MYO15B: variants seen among roughly 807,000 people sequenced by gnomAD.
The protein encoded by MYO15B is myosin XVB.
MYO15B carries 207 observed loss-of-function variants against 119.3 expected under a neutral mutation model. The observed-to-expected ratio is 1.73, with a 90% confidence interval of 1.55 to 1.95. The LOEUF (loss-of-function observed/expected upper bound fraction) is 1.95. MYO15B is among the 30% of genes most tolerant of loss of function. The pLI, the probability that MYO15B is intolerant of heterozygous loss-of-function variation, is 0.00. For synonymous variants in MYO15B, 966 were observed against 498.9 expected (o/e 1.94, Z -12.48); for missense variants, 2,264 against 1,203.1 (o/e 1.88, Z -13.04).
intron 9 of MYO15B, 51 bp from the exon 10 acceptor site, chr17:75,594,424 G>T (rs1012950854): frequency 2.2e-5 from 13 of 580,112 alleles, no homozygotes; most frequent in African/African-American, 7.5e-5. Flanking sequence ...TGCCTGGGGA[G>T]TGTGTCCATT....
Position 75,624,658 on chromosome 17 carries a change from C to A in MYO15B, c.8542+19C>A. On this transcript the variant is annotated intron_variant, in intron 58 of 63. Transcript: ENST00000645453. ...GAGAAGAGTAAGCTTGGGGACGGAG[C>A]CTCACGGTGGGGCCACTCCCCTGCC... The A allele has an allele frequency of 1.4e-6, 1 of 702,990 alleles. No homozygotes were observed. The highest frequency in any genetic ancestry group is 2.3e-4 in the Middle Eastern group (1 of 4,370). The allele number at this position is 702,990 out of a possible 1,614,324, so 43.5% of individuals were successfully genotyped here.
At chr17:75,612,713 T>G (rs905253959) in intron 25 of MYO15B, 85 bp from the exon 26 acceptor site, 44 of 675,472 alleles carry the variant, frequency 6.5e-5, no homozygotes, top group Non-Finnish European at 1.1e-4. Flanking sequence ...CCCCTCTGCC[T>G]CTCCCGAGGT....
rs922028727 is a variant in MYO15B at position 75,625,707 on chromosome 17, A to C, written c.8938+47A>C. On this transcript the variant is annotated intron_variant, in intron 61 of 63. Coordinates refer to ENST00000645453, the Ensembl canonical transcript of MYO15B. ...CGCTGGGTGGGGGCTGGAGGCCAAG[A>C]GGGAAGGAATGCAGGTAGAGGGGCG... 1.1e-5 allele frequency: 8 copies of C among 701,814 alleles called. No individual in the cohort carries two copies. In the African/African-American group the frequency reaches 1.4e-4, roughly 12 times the overall value. 43.5% of individuals were successfully genotyped at this position (701,814 alleles called of 1,614,324 possible).
intron 56 of MYO15B, 31 bp downstream of exon 56, chr17:75,624,300 A>G (rs1172340649): frequency 1.4e-6 from 1 of 702,758 alleles, no homozygotes; most frequent in East Asian, 2.7e-5. Context: ...GCATTGTGGG[A>G]CACCCTGGGG....
At chr17:75,616,143 G>C (rs2148033488) in exon 37 of MYO15B, 4 of 566,566 alleles carry the variant, frequency 7.1e-6, no homozygotes, top group Non-Finnish European at 9.3e-6. Context: ...ATTTCCAGAG[G>C]ATGGGTGAGG....
exon 1 of MYO15B, chr17:75,588,516 G>C (rs2056204977): frequency 2.5e-6 from 1 of 398,506 alleles, no homozygotes; most frequent in South Asian, 1.3e-4. Context: ...CGTCGGGTGG[G>C]GACGGAGGCA....
At chr17:75,607,100 C>G in intron 21 of MYO15B, 1 of 396,090 alleles carries the variant, frequency 2.5e-6, no homozygotes. Context: ...CAGAGAGTAA[C>G]TCGAGGGCTG....
rs575020126 is a variant in MYO15B, at chr17:75,607,396, AATTC to A, written c.4292+1381_4292+1384del. On this transcript the variant is annotated intron_variant, in intron 21 of 63. Transcript: ENST00000645453. ...CATCCATGTTGTAGCATGTGTCAGA[AATTC>A]ATTCAGTTCCAGGCTTGAGGGTTAA... Among the ~76,000 whole-genome samples, 41 of 151,382 alleles carry A rather than the reference AATTC, an allele frequency of 2.7e-4. No individual in the cohort carries two copies. In the South Asian group the frequency reaches 6.7e-3, roughly 25 times the overall value.
intron 14 of MYO15B, among the ~76,000 whole-genome samples, chr17:75,598,999 C>G (rs1268097063): frequency 6.6e-6 from 1 of 152,196 alleles, no homozygotes; most frequent in African/African-American, 2.4e-5. Context: ...CCCCCATGCA[C>G]TTGCTATTTT....
chr17:75,589,201 C>T lies in MYO15B; in HGVS notation c.1144C>T (p.Arg382Trp). 3.0e-6 allele frequency: 1 copy of T among 329,972 alleles called. No homozygotes were observed. The allele number at this position is 329,972 out of a possible 1,614,324, so 20.4% of individuals were successfully genotyped here. The change falls in exon 1 of 64, where the codon CGG becomes TGG. Residue 382 changes from arginine to tryptophan, a missense_variant. Coordinates refer to ENST00000645453, the Ensembl canonical transcript of MYO15B. The surrounding 1 kb of genome is among the most constrained non-coding windows in gnomAD (Gnocchi z 4.2). ...CCTGGGCCTCCTGCGCTGGCTGCGG[C>T]GGCGGCTGCGGCTGCGGCGGCGGCC... is the stretch of plus-strand genomic sequence containing the variant.
intron 34 of MYO15B, 41 bp from the exon 35 acceptor site, chr17:75,615,462 G>T: frequency 3.0e-6 from 2 of 674,912 alleles, no homozygotes; most frequent in Non-Finnish European, 5.4e-6. Context: ...TTCAAGGCTG[G>T]CCATGGTGCC....
At chr17:75,590,152 C>G (rs62089225) in exon 1 of MYO15B, 34,814 of 398,980 alleles carry the variant, frequency 0.087, 1,706 homozygotes, top group Middle Eastern at 0.15. Context: ...GCTGAGCCTC[C>G]GGCCGGGCCT....
rs997825572 is a variant in MYO15B at position 75,610,694 on chromosome 17, C to A, written c.4387-206C>A. The A allele has an allele frequency of 1.6e-5, 9 of 576,920 alleles. 1 individual carries two copies. Among genetic ancestry groups the A allele is most frequent in the East Asian group, 1.4e-4 (5 of 35,826 alleles). 35.7% of individuals were successfully genotyped at this position (576,920 alleles called of 1,614,324 possible). On this transcript the variant is annotated intron_variant, in intron 22 of 63. Transcript: ENST00000645453. ...TTCTTCCTGCCCTCTTCCCGGTGCC[C>A]TGGCAGATGGGCACAGACGCCCACA...
chr17:75,621,544 G>A (rs1294274019), exon 52 of MYO15B: 1 of 702,122 alleles, frequency 1.4e-6, no homozygotes, highest in Non-Finnish European at 2.6e-6. Flanking sequence ...GATGATGTGA[G>A]CAAGCTGGCT....
chr17:75,613,379 C>T (rs965773164), exon 28 of MYO15B: 14 of 671,758 alleles, frequency 2.1e-5, no homozygotes, highest in East Asian at 1.1e-4. Context: ...CAGCTGGCCT[C>T]GGGGGCCACT....
intron 9 of MYO15B, among the ~76,000 whole-genome samples, chr17:75,594,175 T>C (rs1040543426): frequency 1.3e-5 from 2 of 151,830 alleles, no homozygotes; most frequent in Admixed American, 6.6e-5. Flanking sequence ...ATTTGTTTTC[T>C]AATTTAGTTT....
At chr17:75,606,987 C>A (rs57290452) in intron 21 of MYO15B, 24,675 of 398,504 alleles carry the variant, frequency 0.062, 859 homozygotes, top group Middle Eastern at 0.081. Flanking sequence ...CCTCATCTAC[C>A]CTTGGGCCAG....
At chr17:75,624,146 C>T (rs1470453541) in intron 55 of MYO15B, 29 bp from the exon 56 acceptor site, 1 of 702,762 alleles carries the variant, frequency 1.4e-6, no homozygotes, top group Non-Finnish European at 2.6e-6. Flanking sequence ...ACATGGCCAT[C>T]TCATAACCCC....
Position 75,590,958 on chromosome 17 carries a change from CT to C in MYO15B, c.2308del (p.Ser770HisfsTer66). The C allele has an allele frequency of 1.8e-6, 1 of 563,322 alleles. No individual in the cohort carries two copies. 34.9% of individuals were successfully genotyped at this position (563,322 alleles called of 1,614,324 possible). ...TCTGAACCCCCACCGGTCCTTGCCT[CT>C]TTTTTCACCTGAGGTCCAGGCAAGC... On this transcript the variant is annotated frameshift_variant, in exon 3 of 64. Transcript: ENST00000645453. LOFTEE classifies it high-confidence loss of function.
Sources: allele counts gnomAD v4.1 joint callset (sites outside exome capture counted in the v4.1 genomes callset), GRCh38; gene constraint gnomAD v4.1.1; non-coding constraint Gnocchi (gnomAD v3.1); transcripts MANE v1.5; gene names NCBI Gene and HGNC (gene_info 2026-07-23, HGNC 2026-07-21).